The following DPRX variants were observed in gnomAD, a reference collection of about 807,000 sequenced individuals.
DPRX encodes the protein divergent-paired related homeobox, also known as divergent paired-related homeobox.
In DPRX, 11 loss-of-function variants were observed where a neutral mutation model predicts 8.4. The observed-to-expected ratio is 1.31, with a 90% confidence interval of 0.82 to 2.17. The LOEUF (loss-of-function observed/expected upper bound fraction) is 2.17, where lower values mean the gene tolerates loss of function less well. Among genes scored for constraint, DPRX ranks in the 30% most tolerant of loss-of-function variants. The pLI, the probability that DPRX is intolerant of heterozygous loss-of-function variation, is 0.00. For synonymous variants in DPRX, 72 were observed against 87.0 expected (o/e 0.83, Z 0.96); for missense variants, 211 against 236.7 (o/e 0.89, Z 0.71).
At chr19:53,604,954 C>A in the DPRX span, among the ~76,000 whole-genome samples, 1 of 152,002 alleles carries the variant, frequency 6.6e-6, no homozygotes. Context: ...ATTATTACAT[C>A]TTGTATACAT....
chr19:53,612,921 G>A, the DPRX span, among the ~76,000 whole-genome samples: 1 of 152,070 alleles, frequency 6.6e-6, no homozygotes, highest in Admixed American at 6.6e-5. Context: ...GAGGGCAGAA[G>A]CCTCTCTGGA....
the DPRX span, chr19:53,603,324 C>T: frequency 2.2e-6 from 1 of 455,580 alleles, no homozygotes; most frequent in Admixed American, 2.4e-5. Context: ...AGGTTCAAAA[C>T]ACCCCGCGGA....
At chr19:53,633,005 C>A (rs1294927595) in intron 1 of DPRX, among the ~76,000 whole-genome samples, 1 of 151,830 alleles carries the variant, frequency 6.6e-6, no homozygotes, top group Non-Finnish European at 1.5e-5. Context: ...CGATTCAGAT[C>A]TTTTAGAGCG....
At chr19:53,636,203 T>G (rs1336145147) in intron 2 of DPRX, among the ~76,000 whole-genome samples, 1 of 151,702 alleles carries the variant, frequency 6.6e-6, no homozygotes, top group African/African-American at 2.4e-5. Flanking sequence ...CTGTCTGTAC[T>G]AAAAATACAA....
At chr19:53,604,634 G>C in the DPRX span, 1 of 152,280 alleles carries the variant, frequency 6.6e-6, no homozygotes, top group African/African-American at 2.4e-5. Context: ...CCTGAGGTCA[G>C]GAGTTCAAGA....
the DPRX span, among the ~76,000 whole-genome samples, chr19:53,611,524 C>T: frequency 7.9e-5 from 12 of 152,090 alleles, no homozygotes; most frequent in Admixed American, 1.3e-4. Context: ...CGAGCCTCCG[C>T]GCCTGGCCCT....
chr19:53,617,304 A>G, the DPRX span: 1 of 654,522 alleles, frequency 1.5e-6, no homozygotes, highest in Admixed American at 2.1e-5. Context: ...CACGCCTGTA[A>G]TCCCAGCACT....
At chr19:53,603,443 C>T in the DPRX span, 36 of 456,046 alleles carry the variant, frequency 7.9e-5, no homozygotes, top group African/African-American at 5.8e-4. Flanking sequence ...GAGTGCTGGA[C>T]GCTTCAGGAA....
upstream of DPRX, among the ~76,000 whole-genome samples, chr19:53,629,315 CAAAA>C (rs57730463): frequency 1.1e-4 from 11 of 102,668 alleles, no homozygotes; most frequent in Non-Finnish European, 1.2e-4. Context: ...GACTCTGTCT[CAAAA>C]AAAAAAAAAA....
rs567806776 is a variant in DPRX at position 53,635,297 on chromosome 19, A to G, written c.183+612A>G. ...AGTGTCAGGATTATAGGCATAAGCC[A>G]CTGCGCCTGGCCTGAAGTTTATACA... On this transcript the variant is annotated intron_variant, in intron 2 of 2. Coordinates refer to ENST00000376650, the Ensembl canonical transcript of DPRX. 1.7e-4 allele frequency among the ~76,000 whole-genome samples: 26 copies of G among 152,318 alleles called. 1 individual carries two copies. In the South Asian group the frequency reaches 4.8e-3, roughly 28 times the overall value.
chr19:53,602,540 T>C, the DPRX span, among the ~76,000 whole-genome samples: 2 of 150,516 alleles, frequency 1.3e-5, no homozygotes, highest in East Asian at 2.0e-4. Context: ...TTTGTATTTT[T>C]TTTTTTTTTT....
At chr19:53,608,029 C>T in the DPRX span, among the ~76,000 whole-genome samples, 1,174 of 148,208 alleles carry the variant, frequency 7.9e-3, 17 homozygotes, top group African/African-American at 0.028. Context: ...AAAAATTAGC[C>T]GAGCATGGTG....
the DPRX span, among the ~76,000 whole-genome samples, chr19:53,605,455 C>G: frequency 6.6e-6 from 1 of 151,130 alleles, no homozygotes; most frequent in African/African-American, 2.4e-5. Flanking sequence ...TAGCTCACAG[C>G]AAGCTCCGCC....
the DPRX span, among the ~76,000 whole-genome samples, chr19:53,608,976 G>GAAAAAAAAA: frequency 6.2e-5 from 5 of 80,682 alleles, no homozygotes; most frequent in East Asian, 3.8e-4. Flanking sequence ...AAAAAAAAAG[G>GAAAAAAAAA]AAAGAAAAGA....
chr19:53,603,549 C>T, the DPRX span: 1 of 390,530 alleles, frequency 2.6e-6, no homozygotes, highest in African/African-American at 2.1e-5. Flanking sequence ...TGGCTGGTAC[C>T]TGAATTAGAG....
At chr19:53,608,340 C>A in the DPRX span, 2 of 152,412 alleles carry the variant, frequency 1.3e-5, no homozygotes, top group South Asian at 4.2e-4. Flanking sequence ...TTGTGCAGAT[C>A]TCCCTTGATG....
chr19:53,617,759 A>C, the DPRX span, among the ~76,000 whole-genome samples: 1 of 152,066 alleles, frequency 6.6e-6, no homozygotes, highest in Non-Finnish European at 1.5e-5. Flanking sequence ...AAAGAGACAA[A>C]TTTATCACAG....
chr19:53,602,006 A>T, the DPRX span: 1 of 456,206 alleles, frequency 2.2e-6, no homozygotes, highest in Non-Finnish European at 4.4e-6. Flanking sequence ...CCTTGAAGTA[A>T]AGAGGAGTGT....
the DPRX span, among the ~76,000 whole-genome samples, chr19:53,618,649 C>G: frequency 1.4e-5 from 2 of 145,964 alleles, no homozygotes. Flanking sequence ...ACTAAAGACT[C>G]AGAGATAGAA....
Sources: allele counts gnomAD v4.1 joint callset (sites outside exome capture counted in the v4.1 genomes callset), GRCh38; gene constraint gnomAD v4.1.1; transcripts MANE v1.5; gene names NCBI Gene and HGNC (gene_info 2026-07-23, HGNC 2026-07-21).